Variants in C2orf49 observed in about 807,000 individuals in gnomAD.
C2orf49 encodes tRNA-splicing ligase complex subunit ASW.
Under a neutral mutation model 20.6 loss-of-function variants are expected in C2orf49, and 11 were observed. The observed-to-expected ratio is 0.53, with a 90% CI of 0.34 to 0.88. C2orf49 has a LOEUF of 0.88. C2orf49 is among the 40% of genes least tolerant of loss of function. The probability of loss-of-function intolerance (pLI) is 0.02; values close to 1 mark genes in which losing one functional copy is unlikely to be tolerated. For missense variants in C2orf49, 289 were observed against 274.2 expected, an observed-to-expected ratio of 1.05 and a Z score of -0.38; for synonymous variants, 134 against 108.5, an observed-to-expected ratio of 1.24 and a Z score of -1.46.
chr2:105,356,473 G>C, the C2orf49 span, among the ~76,000 whole-genome samples: 8 of 152,200 alleles, frequency 5.3e-5, no homozygotes, highest in African/African-American at 1.4e-4. Flanking sequence ...TACTTGAGAG[G>C]CTGAGGTGGG....
chr2:105,373,654 G>A, the C2orf49 span: 2 of 1,614,170 alleles, frequency 1.2e-6, no homozygotes, highest in Admixed American at 1.7e-5. Flanking sequence ...GGCAGCAAAG[G>A]GCTTGTCCAC....
the C2orf49 span, among the ~76,000 whole-genome samples, chr2:105,377,518 C>A: frequency 6.6e-6 from 1 of 152,102 alleles, no homozygotes; most frequent in Non-Finnish European, 1.5e-5. Context: ...GTAATCCCAG[C>A]TACTCAGGAG....
At chr2:105,340,376 G>A (rs1340165938) in intron 2 of C2orf49, among the ~76,000 whole-genome samples, 1 of 152,172 alleles carries the variant, frequency 6.6e-6, no homozygotes, top group Non-Finnish European at 1.5e-5. Flanking sequence ...AAGGTGTGTG[G>A]GGAGGGGAAG....
chr2:105,377,192 A>G, the C2orf49 span, among the ~76,000 whole-genome samples: 2 of 152,234 alleles, frequency 1.3e-5, no homozygotes. Context: ...TGATGGGGGT[A>G]GTATTTCAGA....
the C2orf49 span, among the ~76,000 whole-genome samples, chr2:105,385,689 T>C: frequency 6.6e-6 from 1 of 152,170 alleles, no homozygotes; most frequent in African/African-American, 2.4e-5. Flanking sequence ...CAGGGTGTCC[T>C]TCAGCAATCC....
At position 105,345,328 on chromosome 2, in the gene C2orf49, C is replaced by T. The variant is rs867112772; in HGVS notation, c.656C>T (p.Pro219Leu). The T allele has an allele frequency of 1.2e-6, 2 of 1,611,886 alleles. No individual in the cohort carries two copies. The highest frequency in any genetic ancestry group is 1.6e-4 in the Middle Eastern group (1 of 6,074). Residue 219 changes from proline to leucine, a missense_variant, in exon 4 of 4, where the codon CCC (proline) becomes CTC (leucine). Physicochemically the swap from Pro to Leu is moderately conservative, Grantham distance 98. Transcript: ENST00000258457. ...CATGTCTTTCAGAATAACCTGAAGC[C>T]CCCACAAGCAAAAAGGAAGATACAA... ...EEAEAMNNLKPPQAKRKIQHV... is the reference protein window; with the variant it reads ...EEAEAMNNLKLPQAKRKIQHV...
At chr2:105,344,889 C>G (rs536406489) in intron 3 of C2orf49, among the ~76,000 whole-genome samples, 2 of 151,986 alleles carry the variant, frequency 1.3e-5, no homozygotes, top group Non-Finnish European at 2.9e-5. Context: ...TTTGCATTGA[C>G]TTTGGATTGT....
chr2:105,362,037 C>T, the C2orf49 span, among the ~76,000 whole-genome samples: 1 of 152,184 alleles, frequency 6.6e-6, no homozygotes, highest in Non-Finnish European at 1.5e-5. Context: ...TGTTTTTTCT[C>T]AGTGCCACAA....
the C2orf49 span, among the ~76,000 whole-genome samples, chr2:105,365,001 A>G: frequency 6.6e-6 from 1 of 152,246 alleles, no homozygotes; most frequent in African/African-American, 2.4e-5. Flanking sequence ...CAACGTATCC[A>G]TGTGAATGCA....
chr2:105,353,683 C>T (rs553729540), downstream of C2orf49, among the ~76,000 whole-genome samples: 40 of 152,260 alleles, frequency 2.6e-4, 3 homozygotes, highest in South Asian at 8.1e-3. Flanking sequence ...TCACTCTTAT[C>T]CTTAAGACTC....
the C2orf49 span, chr2:105,367,699 C>T: frequency 6.2e-7 from 1 of 1,614,156 alleles, no homozygotes. Flanking sequence ...TGAAGCAGGT[C>T]TCATGCCAGC....
the C2orf49 span, among the ~76,000 whole-genome samples, chr2:105,368,364 C>T: frequency 1.3e-5 from 2 of 152,074 alleles, no homozygotes; most frequent in Non-Finnish European, 2.9e-5. Context: ...CAGGGTCTCA[C>T]TCTGTCACCC....
the C2orf49 span, chr2:105,375,787 C>T: frequency 1.3e-5 from 2 of 152,246 alleles, no homozygotes; most frequent in Admixed American, 6.5e-5. Context: ...AATGCCCAAG[C>T]CCTCTTCATC....
the C2orf49 span, among the ~76,000 whole-genome samples, chr2:105,379,228 G>A: frequency 6.6e-6 from 1 of 152,216 alleles, no homozygotes; most frequent in African/African-American, 2.4e-5. Context: ...ACTACTGGCT[G>A]TAACAAGCAT....
Position 105,348,056 on chromosome 2 carries a change from T to C in C2orf49, c.*2685T>C, listed in dbSNP as rs1157320804. 1.3e-5 allele frequency: 2 copies of C among 152,206 alleles called. No individual in the cohort carries two copies. The highest frequency in any genetic ancestry group is 2.9e-5 in the Non-Finnish European group (2 of 68,032). The allele number at this position is 152,206 out of a possible 1,614,324, so 9.4% of individuals were successfully genotyped here. ...TTCCCTTTCTCCTTATACATTTTCT[T>C]TCTCTACTTTAATTCTCCTTCCTCC... On this transcript the variant is annotated 3_prime_UTR_variant, in exon 4 of 4. Transcript: ENST00000258457.
rs1679821789 is a variant in C2orf49, at chr2:105,346,710, C to A, written c.*1339C>A. 6.6e-6 allele frequency: 1 copy of A among 152,200 alleles called. No homozygotes were observed. The highest frequency in any genetic ancestry group is 1.5e-5 in the Non-Finnish European group (1 of 68,048). 9.4% of individuals were successfully genotyped at this position (152,200 alleles called of 1,614,324 possible). On this transcript the variant is annotated 3_prime_UTR_variant, in exon 4 of 4. Transcript: ENST00000258457. ...AGAGTGCAACATAGGAAGATGGACT[C>A]CTAGCTTACATGAGATTCCCTGCAG...
chr2:105,359,077 C>T, the C2orf49 span: 1 of 152,206 alleles, frequency 6.6e-6, no homozygotes, highest in Admixed American at 6.5e-5. Context: ...CCTCCAATAT[C>T]TGCCTGCTTT....
chr2:105,365,171 A>G, the C2orf49 span, among the ~76,000 whole-genome samples: 1 of 151,822 alleles, frequency 6.6e-6, no homozygotes. Flanking sequence ...CTGGCCCCCA[A>G]CTCCTCAGAT....
the C2orf49 span, among the ~76,000 whole-genome samples, chr2:105,380,655 A>ATC: frequency 6.6e-6 from 1 of 152,226 alleles, no homozygotes; most frequent in African/African-American, 2.4e-5. Context: ...TGAGTGTAAC[A>ATC]GAGATAGCAC....
Sources: gnomAD v4.1 joint callset for allele counts (sites outside exome capture counted in the v4.1 genomes callset) on GRCh38, gnomAD v4.1.1 for gene constraint, MANE v1.5 for transcripts, NCBI Gene and HGNC (gene_info 2026-07-23, HGNC 2026-07-21) for gene names.